The following PPP2R2B variants were observed in gnomAD, a reference collection of about 807,000 sequenced individuals.
The protein encoded by PPP2R2B is protein phosphatase 2 regulatory subunit Bbeta.
A neutral mutation model predicts 46.0 loss-of-function variants in PPP2R2B; 5 were observed. That is an observed-to-expected ratio of 0.11 (90% CI 0.06 to 0.23). The LOEUF (loss-of-function observed/expected upper bound fraction) is 0.23, where lower values mean the gene tolerates loss of function less well. PPP2R2B is among the 10% of genes least tolerant of loss of function. PPP2R2B has a pLI of 1.00. For synonymous variants in PPP2R2B, 215 were observed against 206.7 expected (o/e 1.04, Z -0.34); for missense variants, 367 against 575.0 (o/e 0.64, Z 3.70).
At chr5:146,882,274 A>C (rs971128618), upstream of PPP2R2B, among the ~76,000 whole-genome samples, 4 of 152,258 alleles carry the variant, frequency 2.6e-5, no homozygotes, top group South Asian at 2.1e-4. Context: ...TCAAGAAAAA[A>C]AAAAAAAAAG....
intron 2 of PPP2R2B, among the ~76,000 whole-genome samples, chr5:146,775,861 TA>T (rs1186667118): frequency 1.1e-4 from 17 of 152,230 alleles, no homozygotes; most frequent in Non-Finnish European, 2.4e-4. Flanking sequence ...AGGAAGTTTA[TA>T]AAAACGCTGT....
At chr5:146,691,947 C>T (rs1778880070) in intron 4 of PPP2R2B, among the ~76,000 whole-genome samples, 1 of 152,172 alleles carries the variant, frequency 6.6e-6, no homozygotes, top group African/African-American at 2.4e-5. Flanking sequence ...GTAATACCTA[C>T]CTAAAAATGC....
At chr5:146,701,007 G>T in intron 3 of PPP2R2B, 38 bp downstream of exon 3, 1 of 1,532,714 alleles carries the variant, frequency 6.5e-7, no homozygotes, top group Non-Finnish European at 9.0e-7. Context: ...CCTTTAAAAA[G>T]TGAAGAAAAT....
chr5:146,991,991 T>C (rs1370016803), intron 1 of PPP2R2B, among the ~76,000 whole-genome samples: 1 of 152,172 alleles, frequency 6.6e-6, no homozygotes, highest in Non-Finnish European at 1.5e-5. Flanking sequence ...AAAATTCCAA[T>C]GTTAAAATTT....
intron 2 of PPP2R2B, among the ~76,000 whole-genome samples, chr5:146,819,706 G>A (rs1235255981): frequency 6.6e-6 from 1 of 151,954 alleles, no homozygotes; most frequent in Non-Finnish European, 1.5e-5. Context: ...AACATGCTAG[G>A]CAGATTTGTC....
At chr5:146,668,917 C>T (rs1777176019) in intron 5 of PPP2R2B, among the ~76,000 whole-genome samples, 1 of 152,188 alleles carries the variant, frequency 6.6e-6, no homozygotes, top group African/African-American at 2.4e-5. Flanking sequence ...GGACTGTAGA[C>T]TCCATTAATT....
At chr5:147,077,540 C>A (rs1226814616) in intron 2 of PPP2R2B, among the ~76,000 whole-genome samples, 2 of 152,156 alleles carry the variant, frequency 1.3e-5, no homozygotes, top group South Asian at 2.1e-4. Context: ...GTAGATTATG[C>A]CAATTAAACC....
intron 1 of PPP2R2B, among the ~76,000 whole-genome samples, chr5:146,998,856 TCG>T (rs1754036071): frequency 6.6e-6 from 1 of 151,990 alleles, no homozygotes; most frequent in African/African-American, 2.4e-5. Context: ...AACCACTGAT[TCG>T]GTGTTTAAAA....
intron 2 of PPP2R2B, among the ~76,000 whole-genome samples, chr5:147,078,733 A>G (rs1011932933): frequency 5.9e-5 from 9 of 151,382 alleles, no homozygotes; most frequent in African/African-American, 2.2e-4. Flanking sequence ...GCGTGAACCC[A>G]GGAGGCAGAG....
At chr5:146,717,786 T>A (rs987263744) in intron 2 of PPP2R2B, among the ~76,000 whole-genome samples, 5 of 152,082 alleles carry the variant, frequency 3.3e-5, no homozygotes, top group Non-Finnish European at 7.4e-5. Flanking sequence ...GCTTTCAGGA[T>A]CTCATAAATT....
At chr5:146,709,495 G>A (rs1418945498) in intron 2 of PPP2R2B, among the ~76,000 whole-genome samples, 1 of 152,146 alleles carries the variant, frequency 6.6e-6, no homozygotes, top group Admixed American at 6.5e-5. Context: ...ACCCAGATCT[G>A]GCCAATGAGG....
intron 1 of PPP2R2B, among the ~76,000 whole-genome samples, chr5:147,049,693 C>T (rs1339373246): frequency 6.6e-6 from 1 of 151,924 alleles, no homozygotes; most frequent in Non-Finnish European, 1.5e-5. Context: ...GAGGCCAAGA[C>T]AAGAAATCCC....
intron 8 of PPP2R2B, among the ~76,000 whole-genome samples, chr5:146,595,612 C>T (rs536445060): frequency 2.6e-5 from 4 of 152,296 alleles, no homozygotes; most frequent in East Asian, 3.9e-4. Flanking sequence ...TATCTGCCTC[C>T]AATTGACAGC....
At chr5:146,608,864 A>C (rs1772561713) in intron 7 of PPP2R2B, among the ~76,000 whole-genome samples, 1 of 152,176 alleles carries the variant, frequency 6.6e-6, no homozygotes, top group Non-Finnish European at 1.5e-5. Flanking sequence ...TTAAAGAAGA[A>C]CTAATGTCAA....
At chr5:146,819,702 C>A (rs1338215886) in intron 2 of PPP2R2B, among the ~76,000 whole-genome samples, 1 of 151,988 alleles carries the variant, frequency 6.6e-6, no homozygotes, top group Non-Finnish European at 1.5e-5. Flanking sequence ...TAAAAACATG[C>A]TAGGCAGATT....
chr5:146,672,505 T>C (rs1777434395), intron 5 of PPP2R2B, among the ~76,000 whole-genome samples: 1 of 151,476 alleles, frequency 6.6e-6, no homozygotes, highest in Non-Finnish European at 1.5e-5. Context: ...GCTGGAGACA[T>C]GGGGGTGGGG....
At chr5:146,781,229 C>T (rs1192874083) in intron 2 of PPP2R2B, among the ~76,000 whole-genome samples, 2 of 133,846 alleles carry the variant, frequency 1.5e-5, no homozygotes, top group Non-Finnish European at 3.1e-5. Flanking sequence ...ACTAAGTAAA[C>T]CTGCCCCAAA....
At chr5:146,756,884 C>A (rs1311456524) in intron 2 of PPP2R2B, among the ~76,000 whole-genome samples, 12 of 152,202 alleles carry the variant, frequency 7.9e-5, no homozygotes, top group Non-Finnish European at 2.9e-5. Flanking sequence ...GCCAGGCAGG[C>A]TGAAGCTCCA....
chr5:146,906,971 C>CA (rs777541313), intron 1 of PPP2R2B, among the ~76,000 whole-genome samples: 7 of 152,112 alleles, frequency 4.6e-5, no homozygotes, highest in Non-Finnish European at 8.8e-5. Context: ...TAGCAGGAGA[C>CA]AGGATGAGTA....
Sources: gnomAD v4.1 joint callset for allele counts (sites outside exome capture counted in the v4.1 genomes callset) on GRCh38, gnomAD v4.1.1 for gene constraint, MANE v1.5 for transcripts, NCBI Gene and HGNC (gene_info 2026-07-23, HGNC 2026-07-21) for gene names.